Variants in SCUBE3 observed in about 807,000 individuals in gnomAD.
SCUBE3 encodes the protein signal peptide, CUB and EGF-like domain-containing protein 3.
A neutral mutation model predicts 116.8 loss-of-function variants in SCUBE3; 33 were observed. The ratio of observed to expected loss-of-function variants is 0.28; its 90% CI spans 0.21 to 0.38. The LOEUF is 0.38. Among genes scored for constraint, SCUBE3 ranks in the 10% least tolerant of loss-of-function variants. The probability of loss-of-function intolerance (pLI) is 1.00; values close to 1 mark genes in which losing one functional copy is unlikely to be tolerated. For missense variants in SCUBE3, 1,007 were observed against 1,324.8 expected, an observed-to-expected ratio of 0.76 and a Z score of 3.72; for synonymous variants, 418 against 496.9, an observed-to-expected ratio of 0.84 and a Z score of 2.11.
At chr6:35,242,005 T>A (rs781349515) in intron 12 of SCUBE3, 95 bp downstream of exon 12, 2 of 985,490 alleles carry the variant, frequency 2.0e-6, no homozygotes, top group African/African-American at 1.6e-5. Flanking sequence ...TCCTTTCTCC[T>A]GGATCCTCTT....
chr6:35,242,984 T>C, intron 14 of SCUBE3, 37 bp from the exon 15 acceptor site: 1 of 1,602,756 alleles, frequency 6.2e-7, no homozygotes, highest in Non-Finnish European at 8.5e-7. Flanking sequence ...ACAGCAACTC[T>C]TTCTCCTCCC....
Position 35,237,906 on chromosome 6 carries a change from C to T in SCUBE3, c.717C>T (p.Thr239=). The T allele has an allele frequency of 6.2e-7, 1 of 1,602,542 alleles. No homozygotes were observed. Among genetic ancestry groups the T allele is most frequent in the Non-Finnish European group, 8.5e-7 (1 of 1,169,932 alleles). The change falls in exon 7 of 22, where the codon ACC becomes ACT. Residue 239 remains threonine (T), a synonymous_variant. Coordinates refer to ENST00000274938, the MANE Select transcript of SCUBE3 (RefSeq NM_152753.4). ...LHTDGKTCIE[T]CAVNNGGCDS... ...CCCCACTTCCCTCCTAAACAGAGAC[C>T]TGTGCTGTCAACAACGGGGGCTGTG...
In SCUBE3 at chr6:35,214,513, G is replaced by C. The variant is rs962582941; in HGVS notation, c.85+10G>C. 2.0e-6 allele frequency: 3 copies of C among 1,466,218 alleles called. No individual in the cohort carries two copies. In the African/African-American group the frequency reaches 4.4e-5, roughly 21 times the overall value. 90.8% of individuals were successfully genotyped at this position (1,466,218 alleles called of 1,614,324 possible). A position where few individuals can be genotyped will look rare whatever the true frequency, so the allele number is the denominator to read the frequency against. On this transcript the variant is annotated intron_variant, in intron 1 of 21. Transcript: ENST00000274938. The surrounding 1 kb of genome is among the most constrained non-coding windows in gnomAD (Gnocchi z 6.3). ...AGCAAAGCCGCGCAAGGTAAGGAAGGAGGGGCGCGCGGCCTGGGGGCTGTC... is the reference window on the plus strand; with the variant it reads ...AGCAAAGCCGCGCAAGGTAAGGAAGCAGGGGCGCGCGGCCTGGGGGCTGTC...
In SCUBE3 at chr6:35,214,761, A is replaced by T. The variant is rs1782818980; in HGVS notation, c.85+258A>T. Among the ~76,000 whole-genome samples, 1 of 152,218 alleles carries T rather than the reference A, an allele frequency of 6.6e-6. No homozygotes were observed. Among genetic ancestry groups the T allele is most frequent in the East Asian group, 1.9e-4 (1 of 5,190 alleles). On this transcript the variant is annotated intron_variant, in intron 1 of 21. Coordinates refer to ENST00000274938, the MANE Select transcript of SCUBE3 (RefSeq NM_152753.4). The surrounding 1 kb of genome is among the most constrained non-coding windows in gnomAD (Gnocchi z 6.3). ...GGCAGAAGAGACCACGCGCCTCAGA[A>T]TTCCGCTCGACTTCATCCACTCCCA... is the stretch of plus-strand genomic sequence containing the variant.
Position 35,232,187 on chromosome 6 carries a change from A to T in SCUBE3, c.469+328A>T, listed in dbSNP as rs1783578159. The stretch of plus-strand genomic sequence containing the variant: ...GCTGCCTATCTGAGAGGGCCTCACC[A>T]TATCTTTTTCCTTGGATTGGCATGG... On this transcript the variant is annotated intron_variant, in intron 4 of 21. Coordinates refer to ENST00000274938, the MANE Select transcript of SCUBE3 (RefSeq NM_152753.4). This position sits in a 1 kb window ranked among gnomAD's most constrained non-coding sequence, Gnocchi z 4.2. Among the ~76,000 whole-genome samples the T allele has an allele frequency of 6.6e-6, 1 of 152,104 alleles. No individual in the cohort carries two copies. Among genetic ancestry groups the T allele is most frequent in the African/African-American group, 2.4e-5 (1 of 41,416 alleles).
chr6:35,244,575 T>C lies in SCUBE3; in HGVS notation c.2240-75T>C. The C allele has an allele frequency of 8.7e-7, 1 of 1,153,942 alleles. No individual in the cohort carries two copies. The highest frequency in any genetic ancestry group is 1.3e-6 in the Non-Finnish European group (1 of 775,846). The allele number at this position is 1,153,942 out of a possible 1,614,324, so 71.5% of individuals were successfully genotyped here. A position where few individuals can be genotyped will look rare whatever the true frequency, so the allele number is the denominator to read the frequency against. On this transcript the variant is annotated intron_variant, in intron 17 of 21. Transcript: ENST00000274938. This position sits in a 1 kb window ranked among gnomAD's most constrained non-coding sequence, Gnocchi z 4.3. ...ATCTCCTGATTCTCCAGGATGAATG[T>C]ATCCTGTCCATCCCATGCCCCGTAA... is the stretch of plus-strand genomic sequence containing the variant.
Position 35,244,245 on chromosome 6 carries a change from C to T in SCUBE3, c.2239+115C>T. 1 of 898,808 alleles carries T rather than the reference C, an allele frequency of 1.1e-6. No individual in the cohort carries two copies. The highest frequency in any genetic ancestry group is 1.7e-5 in the South Asian group (1 of 60,180). The allele number at this position is 898,808 out of a possible 1,614,324, so 55.7% of individuals were successfully genotyped here. On this transcript the variant is annotated intron_variant, in intron 17 of 21. Coordinates refer to ENST00000274938, the MANE Select transcript of SCUBE3 (RefSeq NM_152753.4). The surrounding 1 kb of genome is among the most constrained non-coding windows in gnomAD (Gnocchi z 4.3). ...CCATTTTCTCCAAACCAGTAATGGG[C>T]CCAGCTACTTGACCAACCATACCAT...
chr6:35,243,539 C>A lies in SCUBE3; in HGVS notation c.1910-55C>A. The A allele has an allele frequency of 6.8e-7, 1 of 1,480,400 alleles. No homozygotes were observed. Among genetic ancestry groups the A allele is most frequent in the South Asian group, 1.3e-5 (1 of 75,864 alleles). The allele number at this position is 1,480,400 out of a possible 1,614,324, so 91.7% of individuals were successfully genotyped here. ...GGGGAGTGGGAAGGGGAGTCCCAGGCCTGGGTGGTGGGAAATGCGGGGGTG... is the reference window on the plus strand; with the variant it reads ...GGGGAGTGGGAAGGGGAGTCCCAGGACTGGGTGGTGGGAAATGCGGGGGTG... On this transcript the variant is annotated intron_variant, in intron 15 of 21. Coordinates refer to ENST00000274938, the MANE Select transcript of SCUBE3 (RefSeq NM_152753.4). The surrounding 1 kb of genome is among the most constrained non-coding windows in gnomAD (Gnocchi z 6.6).
intron 1 of SCUBE3, chr6:35,218,008 C>T (rs1333863400): frequency 6.4e-6 from 2 of 310,744 alleles, no homozygotes; most frequent in Non-Finnish European, 9.4e-6. Flanking sequence ...CTTTGAGTCT[C>T]TGCAGGGTGG....
In SCUBE3 at chr6:35,248,865, T is replaced by C; in HGVS notation, c.*160T>C. ...CAGGCACTCTCCCTTTCTGTCTTTC[T>C]AGTTTCCTTTCCTTGTCTCTCTCTG... On this transcript the variant is annotated 3_prime_UTR_variant, in exon 22 of 22. Coordinates refer to ENST00000274938, the MANE Select transcript of SCUBE3 (RefSeq NM_152753.4). 1 of 627,754 alleles carries C rather than the reference T, an allele frequency of 1.6e-6. No homozygotes were observed. The highest frequency in any genetic ancestry group is 2.8e-6 in the Non-Finnish European group (1 of 359,112). 38.9% of individuals were successfully genotyped at this position (627,754 alleles called of 1,614,324 possible). A position where few individuals can be genotyped will look rare whatever the true frequency, so the allele number is the denominator to read the frequency against.
At chr6:35,247,920 A>G (rs918700902) in intron 21 of SCUBE3, among the ~76,000 whole-genome samples, 13 of 152,236 alleles carry the variant, frequency 8.5e-5, no homozygotes, top group African/African-American at 3.1e-4. Flanking sequence ...AGGGCTCCCC[A>G]TTAGAAGATG....
In SCUBE3 at chr6:35,242,617, C is replaced by G. The variant is rs1290753106; in HGVS notation, c.1535-5C>G. 2 of 1,605,978 alleles carry G rather than the reference C, an allele frequency of 1.2e-6. No homozygotes were observed. Among genetic ancestry groups the G allele is most frequent in the African/African-American group, 2.7e-5 (2 of 74,798 alleles). On this transcript the variant is annotated splice_polypyrimidine_tract_variant and splice_region_variant and intron_variant, in intron 13 of 21. Coordinates refer to ENST00000274938, the MANE Select transcript of SCUBE3 (RefSeq NM_152753.4). ...TCCCTGGGGTTGACAAGCCCTCTCTCCCAGGTGGTGCCCCCTGCTCTGAAT... is the reference window on the plus strand; with the variant it reads ...TCCCTGGGGTTGACAAGCCCTCTCTGCCAGGTGGTGCCCCCTGCTCTGAAT...
Position 35,245,307 on chromosome 6 carries a change from T to C in SCUBE3, c.2481T>C (p.Gly827=). The C allele has an allele frequency of 1.9e-6, 3 of 1,614,020 alleles. No homozygotes were observed. Among genetic ancestry groups the C allele is most frequent in the African/African-American group, 1.3e-5 (1 of 75,020 alleles). Residue 827 remains glycine (G), a synonymous_variant, in exon 19 of 22, where the codon GGT becomes GGC. Transcript: ENST00000274938. The surrounding 1 kb of genome is among the most constrained non-coding windows in gnomAD (Gnocchi z 4.2). ...SPNYPGNYPA[G]VECIWNINPP... The stretch of plus-strand genomic sequence containing the variant: ...ACTACCCGGGCAACTACCCAGCTGG[T>C]GTGGAGTGCATCTGGAACATCAACC...
At chr6:35,247,543 T>A (rs1784399199) in intron 21 of SCUBE3, among the ~76,000 whole-genome samples, 1 of 151,894 alleles carries the variant, frequency 6.6e-6, no homozygotes, top group Non-Finnish European at 1.5e-5. Flanking sequence ...TATATTATCA[T>A]CAAAATAAAA....
rs964549097 is a variant in SCUBE3 at position 35,239,274 on chromosome 6, G to A, written c.830-478G>A. On this transcript the variant is annotated intron_variant, in intron 7 of 21. Transcript: ENST00000274938. The surrounding 1 kb of genome is among the most constrained non-coding windows in gnomAD (Gnocchi z 4.1). ...CCTCCTCCTCCCTAAAGGGCTGCCC[G>A]TTTTCAGTGAGTCCCTTTAGACCCT... Among the ~76,000 whole-genome samples the A allele has an allele frequency of 2.4e-4, 37 of 151,908 alleles. No individual in the cohort carries two copies. Among genetic ancestry groups the A allele is most frequent in the Non-Finnish European group, 4.0e-4 (27 of 67,990 alleles).
chr6:35,221,506 A>G (rs1310292146), intron 1 of SCUBE3: 1 of 152,218 alleles, frequency 6.6e-6, no homozygotes, highest in Non-Finnish European at 1.5e-5. Context: ...ACTCACTACT[A>G]ATGCATCCAT....
At position 35,231,624 on chromosome 6, in the gene SCUBE3, G is replaced by C. The variant is rs991897322; in HGVS notation, c.335-101G>C. 3.2e-5 allele frequency: 32 copies of C among 1,006,928 alleles called. 1 individual carries two copies. The East Asian group carries it at 3.2e-4, about 10-fold the overall frequency. 62.4% of individuals were successfully genotyped at this position (1,006,928 alleles called of 1,614,324 possible). On this transcript the variant is annotated intron_variant, in intron 3 of 21. Transcript: ENST00000274938. The surrounding 1 kb of genome is among the most constrained non-coding windows in gnomAD (Gnocchi z 4.2). Reference sequence around the variant, plus strand: ...CTTCCTGGCTTAAGGCTGGGCTTAGGGGGTAGTAGTTCTTAAGACTGCCTT... The same window carrying C: ...CTTCCTGGCTTAAGGCTGGGCTTAGCGGGTAGTAGTTCTTAAGACTGCCTT...
rs1036878569 is a variant in SCUBE3, at chr6:35,228,068, T to C, written c.208+366T>C. ...AACAGAAAGTGTGCTTCAGAGGAAG[T>C]TCATAATGTAAACACATCTTCCCCT... On this transcript the variant is annotated intron_variant, in intron 2 of 21. Transcript: ENST00000274938. This position sits in a 1 kb window ranked among gnomAD's most constrained non-coding sequence, Gnocchi z 4.9. Among the ~76,000 whole-genome samples the C allele has an allele frequency of 6.6e-6, 1 of 152,200 alleles. No homozygotes were observed. The highest frequency in any genetic ancestry group is 1.9e-4 in the East Asian group (1 of 5,198).
In SCUBE3 at chr6:35,217,229, G is replaced by C. The variant is rs1374011684; in HGVS notation, c.85+2726G>C. Among the ~76,000 whole-genome samples the C allele has an allele frequency of 1.4e-4, 2 of 14,550 alleles. 1 individual carries two copies. The highest frequency in any genetic ancestry group is 2.7e-4 in the African/African-American group (2 of 7,284). The allele number at this position is 14,550 out of a possible 152,430, so 9.5% of individuals were successfully genotyped here. On this transcript the variant is annotated intron_variant, in intron 1 of 21. Coordinates refer to ENST00000274938, the MANE Select transcript of SCUBE3 (RefSeq NM_152753.4). ...AAGGGGGTGGGTGTTTGGCGGGGGG[G>C]GGGGGGGCGGGGGGGAGGCGCGGCG...
Sources: gnomAD v4.1 joint callset for allele counts (sites outside exome capture counted in the v4.1 genomes callset) on GRCh38, gnomAD v4.1.1 for gene constraint, Gnocchi (gnomAD v3.1) non-coding constraint, MANE v1.5 for transcripts, NCBI Gene and HGNC (gene_info 2026-07-23, HGNC 2026-07-21) for gene names.